The following C13orf42 variants were observed in gnomAD, a reference collection of about 807,000 sequenced individuals.
The protein encoded by C13orf42 is chromosome 13 open reading frame 42.
At chr13:51,106,519 C>T (rs1953357301) in intron 1 of C13orf42, among the ~76,000 whole-genome samples, 1 of 152,246 alleles carries the variant, frequency 6.6e-6, no homozygotes, top group Admixed American at 6.5e-5. Flanking sequence ...TCCTGGCTTT[C>T]TCTTCGTCAG....
intron 1 of C13orf42, among the ~76,000 whole-genome samples, chr13:51,163,198 AC>A (rs1400771642): frequency 6.6e-6 from 1 of 152,152 alleles, no homozygotes; most frequent in Non-Finnish European, 1.5e-5. Flanking sequence ...ACCTGGTCTA[AC>A]CTCAAAGAAC....
intron 1 of C13orf42, among the ~76,000 whole-genome samples, chr13:51,167,295 A>G (rs1456589687): frequency 2.0e-5 from 3 of 152,172 alleles, no homozygotes. Context: ...GCTTTTATAT[A>G]AACCTATCTG....
chr13:51,118,202 G>A (rs1953507144), intron 1 of C13orf42, among the ~76,000 whole-genome samples: 1 of 152,202 alleles, frequency 6.6e-6, no homozygotes, highest in East Asian at 1.9e-4. Context: ...AGTTAGGAAG[G>A]AGAAGGGAAA....
At chr13:51,138,809 A>G (rs1354352599) in intron 1 of C13orf42, among the ~76,000 whole-genome samples, 1 of 152,250 alleles carries the variant, frequency 6.6e-6, no homozygotes, top group Non-Finnish European at 1.5e-5. Context: ...AGCACTATTC[A>G]CAACAGCCAA....
At chr13:51,142,595 TAA>T (rs34706510) in intron 1 of C13orf42, among the ~76,000 whole-genome samples, 18,152 of 141,592 alleles carry the variant, frequency 0.13, 1,298 homozygotes, top group Admixed American at 0.19. Context: ...CATTTCTGCT[TAA>T]AAAAAAAAAA....
chr13:51,086,703 T>C (rs1022948808), intron 2 of C13orf42, among the ~76,000 whole-genome samples: 4 of 152,202 alleles, frequency 2.6e-5, no homozygotes, highest in Non-Finnish European at 5.9e-5. Flanking sequence ...TTGGTCACAT[T>C]CATTTTTATT....
At chr13:51,166,816 C>T (rs942274642) in intron 1 of C13orf42, among the ~76,000 whole-genome samples, 1 of 152,140 alleles carries the variant, frequency 6.6e-6, no homozygotes, top group South Asian at 2.1e-4. Context: ...CAGTGGTTCA[C>T]GCCTGTAATC....
chr13:51,146,495 G>C (rs1953737426), intron 1 of C13orf42, among the ~76,000 whole-genome samples: 1 of 152,186 alleles, frequency 6.6e-6, no homozygotes, highest in Non-Finnish European at 1.5e-5. Flanking sequence ...ACAGCCTCAG[G>C]AGGTCCTGAT....
intron 1 of C13orf42, among the ~76,000 whole-genome samples, chr13:51,153,627 T>TTG (rs1953800642): frequency 7.0e-6 from 1 of 142,560 alleles, no homozygotes; most frequent in African/African-American, 2.7e-5. Context: ...TTCTGTTTTT[T>TTG]TTCTTTTTTT....
intron 1 of C13orf42, among the ~76,000 whole-genome samples, chr13:51,140,179 C>G (rs984110642): frequency 1.3e-5 from 2 of 152,312 alleles, no homozygotes; most frequent in Non-Finnish European, 2.9e-5. Flanking sequence ...ACTTGTATAT[C>G]ACCCATCTGT....
At chr13:51,090,787 G>A (rs1244414294) in intron 1 of C13orf42, among the ~76,000 whole-genome samples, 3 of 152,116 alleles carry the variant, frequency 2.0e-5, no homozygotes, top group Non-Finnish European at 2.9e-5. Context: ...GAAAGCATCC[G>A]GCCATTGGCT....
At chr13:51,105,324 C>A (rs1182960862) in intron 1 of C13orf42, among the ~76,000 whole-genome samples, 3 of 152,188 alleles carry the variant, frequency 2.0e-5, no homozygotes, top group Admixed American at 2.0e-4. Context: ...CTCGCAAGAC[C>A]GACTACCCCC....
At chr13:51,120,953 G>A (rs983253882) in intron 1 of C13orf42, among the ~76,000 whole-genome samples, 2 of 152,186 alleles carry the variant, frequency 1.3e-5, no homozygotes, top group Non-Finnish European at 2.9e-5. Context: ...GGCAGAGGTT[G>A]CAGTGAGCTG....
intron 1 of C13orf42, among the ~76,000 whole-genome samples, chr13:51,124,737 C>T (rs1417548327): frequency 1.3e-5 from 2 of 152,162 alleles, no homozygotes; most frequent in African/African-American, 2.4e-5. Context: ...TGAAAATTTT[C>T]GCAGCAGTTT....
intron 1 of C13orf42, among the ~76,000 whole-genome samples, chr13:51,149,075 C>T (rs1327823834): frequency 6.6e-6 from 1 of 152,162 alleles, no homozygotes; most frequent in Non-Finnish European, 1.5e-5. Flanking sequence ...CTGCAGAGGC[C>T]TTCTTGTGCT....
chr13:51,117,035 G>A (rs576626968), intron 1 of C13orf42, among the ~76,000 whole-genome samples: 1 of 152,332 alleles, frequency 6.6e-6, no homozygotes, highest in East Asian at 1.9e-4. Flanking sequence ...CAGATTAAGG[G>A]GAGGGGACTA....
intron 1 of C13orf42, among the ~76,000 whole-genome samples, chr13:51,146,970 T>G (rs1327580674): frequency 2.6e-5 from 4 of 152,236 alleles, no homozygotes; most frequent in Non-Finnish European, 5.9e-5. Context: ...GATCCCCTGG[T>G]CAGTGTCAAA....
At chr13:51,088,532 A>G (rs1301629326) in intron 1 of C13orf42, among the ~76,000 whole-genome samples, 1 of 152,212 alleles carries the variant, frequency 6.6e-6, no homozygotes, top group East Asian at 1.9e-4. Context: ...ACATTTTTAA[A>G]TAGCTGAAAG....
chr13:51,116,508 G>T (rs1953493688), intron 1 of C13orf42, among the ~76,000 whole-genome samples: 1 of 152,200 alleles, frequency 6.6e-6, no homozygotes, highest in Admixed American at 6.5e-5. Context: ...GTCCCCACTG[G>T]CTCCCTTGGC....
Sources: allele counts gnomAD v4.1 joint callset (sites outside exome capture counted in the v4.1 genomes callset), GRCh38; gene constraint gnomAD v4.1.1; transcripts MANE v1.5; gene names NCBI Gene and HGNC (gene_info 2026-07-23, HGNC 2026-07-21).